SOX5: variants seen among roughly 807,000 people sequenced by gnomAD.
SOX5 encodes the protein transcription factor SOX-5.
SOX5 carries 9 observed loss-of-function variants against 92.0 expected under a neutral mutation model. The ratio of observed to expected loss-of-function variants is 0.10; its 90% CI spans 0.06 to 0.17. The LOEUF is 0.17. Among genes scored for constraint, SOX5 ranks in the 10% least tolerant of loss-of-function variants. The pLI is 1.00. For missense variants in SOX5, 642 were observed against 944.5 expected, an observed-to-expected ratio of 0.68 and a Z score of 4.20; for synonymous variants, 344 against 336.3, an observed-to-expected ratio of 1.02 and a Z score of -0.25.
chr12:23,709,569 GC>G (rs1286615966), intron 6 of SOX5, among the ~76,000 whole-genome samples: 2 of 152,188 alleles, frequency 1.3e-5, no homozygotes, highest in African/African-American at 4.8e-5. Context: ...TACGAGAGCC[GC>G]TTTAATTCTA....
chr12:24,427,568 T>C (rs1188427461), intron 1 of SOX5, among the ~76,000 whole-genome samples: 1 of 152,248 alleles, frequency 6.6e-6, no homozygotes, highest in Admixed American at 6.5e-5. Context: ...TCTGTTTCTA[T>C]TCAGCATATG....
chr12:24,420,801 A>T (rs1965793324), intron 1 of SOX5, among the ~76,000 whole-genome samples: 1 of 152,202 alleles, frequency 6.6e-6, no homozygotes, highest in Non-Finnish European at 1.5e-5. Context: ...AAGAGTGATA[A>T]ATGCATCACT....
chr12:24,347,398 G>A (rs1953440412), intron 2 of SOX5, among the ~76,000 whole-genome samples: 1 of 152,054 alleles, frequency 6.6e-6, no homozygotes, highest in African/African-American at 2.4e-5. Context: ...CACACACTAT[G>A]GAACAGCTAA....
chr12:24,201,108 C>T (rs1308825960), intron 4 of SOX5, among the ~76,000 whole-genome samples: 2 of 152,146 alleles, frequency 1.3e-5, no homozygotes, highest in Admixed American at 1.3e-4. Flanking sequence ...TCTGGTTTTA[C>T]TTAGGCACTA....
At chr12:24,137,158 T>C (rs1439937583) in intron 4 of SOX5, among the ~76,000 whole-genome samples, 1 of 152,202 alleles carries the variant, frequency 6.6e-6, no homozygotes, top group African/African-American at 2.4e-5. Context: ...ATTCAATGTA[T>C]TGTATAAACA....
chr12:23,932,489 T>TG (rs1941662866), intron 1 of SOX5, among the ~76,000 whole-genome samples: 1 of 151,676 alleles, frequency 6.6e-6, no homozygotes, highest in Non-Finnish European at 1.5e-5. Flanking sequence ...TTCTTGGATC[T>TG]GCTAATATTA....
In SOX5 at chr12:24,141,981, G is replaced by T. The variant is rs181462647; in HGVS notation, c.-2+71362C>A. ...GTAAGCCTTACAAAGTCTGCTTGAG[G>T]TTTCTCTGTACTAAAATATCCAGGA... On this transcript the variant is annotated intron_variant, in intron 4 of 4. Transcript: ENST00000446891. 1.0e-3 allele frequency among the ~76,000 whole-genome samples: 153 copies of T among 151,988 alleles called. 1 individual carries two copies. Among genetic ancestry groups the T allele is most frequent in the Non-Finnish European group, 1.9e-3 (127 of 68,010 alleles).
chr12:24,236,349 A>G (rs1964512543), intron 3 of SOX5, among the ~76,000 whole-genome samples: 1 of 152,186 alleles, frequency 6.6e-6, no homozygotes, highest in Non-Finnish European at 1.5e-5. Context: ...CACTACATTC[A>G]TCAATCAGAC....
At chr12:23,577,176 C>T (rs374497744) in intron 9 of SOX5, among the ~76,000 whole-genome samples, 5,147 of 76,596 alleles carry the variant, frequency 0.067, 245 homozygotes, top group Non-Finnish European at 0.094. Context: ...CACACACACA[C>T]ATATATATAT....
chr12:23,962,225 A>G (rs979666003), intron 4 of SOX5, among the ~76,000 whole-genome samples: 1 of 152,024 alleles, frequency 6.6e-6, no homozygotes, highest in Non-Finnish European at 1.5e-5. Context: ...ACAAACAACA[A>G]AAAAGACCTA....
intron 8 of SOX5, among the ~76,000 whole-genome samples, chr12:23,611,294 G>T (rs759124998): frequency 6.6e-6 from 1 of 150,620 alleles, no homozygotes; most frequent in African/African-American, 2.4e-5. Context: ...TATGCTTCAG[G>T]TTTATCCATG....
intron 1 of SOX5, among the ~76,000 whole-genome samples, chr12:24,446,735 A>C (rs1379380882): frequency 6.6e-6 from 1 of 152,212 alleles, no homozygotes; most frequent in Non-Finnish European, 1.5e-5. Context: ...AGAGTCTAAG[A>C]AGCCGAAATG....
intron 3 of SOX5, among the ~76,000 whole-genome samples, chr12:24,224,538 G>A (rs1272136563): frequency 1.3e-5 from 2 of 151,856 alleles, no homozygotes; most frequent in Non-Finnish European, 2.9e-5. Context: ...ATATTCTGAG[G>A]ATGTATGTGT....
chr12:24,322,969 A>G (rs1159315897), intron 2 of SOX5, among the ~76,000 whole-genome samples: 8 of 152,060 alleles, frequency 5.3e-5, no homozygotes, highest in African/African-American at 1.9e-4. Flanking sequence ...CTACTATTTT[A>G]TTAAGGTTTT....
intron 4 of SOX5, among the ~76,000 whole-genome samples, chr12:23,970,243 T>C (rs78659797): frequency 2.7e-5 from 4 of 150,772 alleles, no homozygotes; most frequent in Non-Finnish European, 5.9e-5. Flanking sequence ...TTTTTTTTGG[T>C]TTTTTAACAG....
At chr12:23,711,397 G>T (rs1486569828) in intron 6 of SOX5, among the ~76,000 whole-genome samples, 2 of 152,134 alleles carry the variant, frequency 1.3e-5, no homozygotes, top group African/African-American at 4.8e-5. Context: ...ATAAAATACA[G>T]GCAAAGCAGT....
At chr12:23,955,718 T>C (rs1946210303), upstream of SOX5, among the ~76,000 whole-genome samples, 1 of 151,940 alleles carries the variant, frequency 6.6e-6, no homozygotes, top group Non-Finnish European at 1.5e-5. Context: ...ATCACCCTCG[T>C]GGTAAAAATC....
intron 1 of SOX5, among the ~76,000 whole-genome samples, chr12:24,370,197 G>T (rs994601312): frequency 6.6e-6 from 1 of 152,122 alleles, no homozygotes. Context: ...GTTTTTGGCC[G>T]TGCGCGGTGG....
chr12:24,078,467 TA>T (rs979130155), intron 4 of SOX5, among the ~76,000 whole-genome samples: 4 of 151,978 alleles, frequency 2.6e-5, no homozygotes, highest in Non-Finnish European at 4.4e-5. Context: ...GTGAGAGAGA[TA>T]AGGGTCCTGT....
Sources: allele counts gnomAD v4.1 joint callset (sites outside exome capture counted in the v4.1 genomes callset), GRCh38; gene constraint gnomAD v4.1.1; transcripts MANE v1.5; gene names NCBI Gene and HGNC (gene_info 2026-07-23, HGNC 2026-07-21).